ACSM3: variants seen among roughly 807,000 people sequenced by gnomAD.
ACSM3 encodes the protein acyl-coenzyme A synthetase ACSM3, mitochondrial.
Under a neutral mutation model 74.1 loss-of-function variants are expected in ACSM3, and 61 were observed. The ratio of observed to expected loss-of-function variants is 0.82; its 90% CI spans 0.67 to 1.02. The LOEUF (loss-of-function observed/expected upper bound fraction) is 1.02, where lower values mean the gene tolerates loss of function less well. ACSM3 is among the 50% of genes least tolerant of loss of function. The pLI, the probability that ACSM3 is intolerant of heterozygous loss-of-function variation, is 0.00. For synonymous variants in ACSM3, 213 were observed against 241.5 expected (o/e 0.88, Z 1.09); for missense variants, 660 against 697.0 (o/e 0.95, Z 0.60).
intron 1 of ACSM3, chr16:20,737,802 C>T (rs1195978659): frequency 1.2e-6 from 2 of 1,613,812 alleles, no homozygotes; most frequent in South Asian, 2.2e-5. Flanking sequence ...GAGCTTTAAA[C>T]CAGGGTTCCA....
chr16:20,781,697 C>T lies in ACSM3; in HGVS notation c.940-11C>T, dbSNP rs756970657. 1.4e-5 allele frequency: 23 copies of T among 1,606,394 alleles called. No individual in the cohort carries two copies. The highest frequency in any genetic ancestry group is 1.9e-5 in the Non-Finnish European group (22 of 1,173,240). On this transcript the variant is annotated splice_polypyrimidine_tract_variant and intron_variant, in intron 6 of 13. Transcript: ENST00000289416. ...TAGTAAGACCAAGAGTTTGCTTTTT[C>T]TAAATTGCAGACACTCTCCAAGTAC...
chr16:20,791,955 A>G (rs566619862), intron 10 of ACSM3, 47 bp from the exon 11 acceptor site: 2 of 1,593,504 alleles, frequency 1.3e-6, no homozygotes, highest in East Asian at 4.5e-5. Context: ...CCAATTGACC[A>G]GAAGAGTTGG....
At position 20,788,897 on chromosome 16, in the gene ACSM3, A is replaced by T. The variant is rs138571798; in HGVS notation, c.1225-1690A>T. ...TTTTTATTTGCAAGAGCTTAAAGAG[A>T]AGTTTTTACGCTTAGAATTCCTTTG... On this transcript the variant is annotated intron_variant, in intron 9 of 13. Coordinates refer to ENST00000289416, the MANE Select transcript of ACSM3 (RefSeq NM_005622.4). Among the ~76,000 whole-genome samples, 59 of 152,274 alleles carry T rather than the reference A, an allele frequency of 3.9e-4. No individual in the cohort carries two copies. In the East Asian group the frequency reaches 0.011, roughly 28 times the overall value.
At chr16:20,769,959 T>C in intron 1 of ACSM3, 25 bp from the exon 2 acceptor site, 6 of 1,467,184 alleles carry the variant, frequency 4.1e-6, no homozygotes, top group Non-Finnish European at 5.7e-6. Flanking sequence ...GAAACAAATA[T>C]ATGTCCTTTT....
At chr16:20,789,363 A>C in intron 9 of ACSM3, 1 of 774,974 alleles carries the variant, frequency 1.3e-6, no homozygotes, top group Non-Finnish European at 2.2e-6. Context: ...TTAAAGGTTT[A>C]GCATTAATTA....
At chr16:20,679,247 G>C (rs2079384388) in intron 1 of ACSM3, 1 of 152,230 alleles carries the variant, frequency 6.6e-6, no homozygotes, top group South Asian at 2.1e-4. Flanking sequence ...TAACCAACAA[G>C]ACCCTGATTG....
chr16:20,783,034 G>T (rs2080387832), intron 7 of ACSM3, among the ~76,000 whole-genome samples: 1 of 152,160 alleles, frequency 6.6e-6, no homozygotes, highest in African/African-American at 2.4e-5. Context: ...TCAATCTCCA[G>T]CTCCTCTCCT....
rs555596265 is a variant in ACSM3 at position 20,702,639 on chromosome 16, G to T, written c.-190+27817G>T. Among the ~76,000 whole-genome samples, 12 of 152,128 alleles carry T rather than the reference G, an allele frequency of 7.9e-5. No individual in the cohort carries two copies. In the East Asian group the frequency reaches 2.3e-3, roughly 29 times the overall value. On this transcript the variant is annotated intron_variant, in intron 1 of 3. Transcript: ENST00000561584. ...TGAGAACTATCTGTTCATATCCTTTGCCTATTTTATGATGGGGTTGTTTGT... is the reference window on the plus strand; with the variant it reads ...TGAGAACTATCTGTTCATATCCTTTTCCTATTTTATGATGGGGTTGTTTGT...
chr16:20,778,214 G>A (rs2080279253), intron 4 of ACSM3, among the ~76,000 whole-genome samples: 1 of 152,220 alleles, frequency 6.6e-6, no homozygotes, highest in African/African-American at 2.4e-5. Flanking sequence ...TTATAAAAGT[G>A]AATTTCACTG....
intron 2 of ACSM3, among the ~76,000 whole-genome samples, chr16:20,751,582 C>T (rs962892058): frequency 6.6e-6 from 1 of 152,168 alleles, no homozygotes; most frequent in Non-Finnish European, 1.5e-5. Context: ...AAACACTGCT[C>T]ATCATCCCCC....
At chr16:20,760,418 C>T (rs893037564), upstream of ACSM3, among the ~76,000 whole-genome samples, 3 of 152,110 alleles carry the variant, frequency 2.0e-5, no homozygotes, top group African/African-American at 7.2e-5. Context: ...TAAAGGCTTT[C>T]CTACTTTTAA....
At chr16:20,779,451 AAAAG>A (rs2080305519) in intron 4 of ACSM3, among the ~76,000 whole-genome samples, 1 of 151,650 alleles carries the variant, frequency 6.6e-6, no homozygotes, top group Non-Finnish European at 1.5e-5. Context: ...AAAAGAAAAG[AAAAG>A]AAAGAAAAGA....
upstream of ACSM3, chr16:20,674,417 A>G (rs1217365732): frequency 2.0e-5 from 4 of 198,702 alleles, no homozygotes; most frequent in Non-Finnish European, 3.2e-5. Flanking sequence ...CACTTCTGTA[A>G]TATGCTTCCC....
At chr16:20,770,531 A>T (rs1596511487) in intron 2 of ACSM3, among the ~76,000 whole-genome samples, 1 of 123,884 alleles carries the variant, frequency 8.1e-6, no homozygotes, top group Non-Finnish European at 1.8e-5. Flanking sequence ...AGGTTGACTT[A>T]AAAAAAAAAA....
intron 7 of ACSM3, among the ~76,000 whole-genome samples, chr16:20,783,793 A>G (rs1270429288): frequency 2.1e-5 from 3 of 145,540 alleles, no homozygotes; most frequent in African/African-American, 5.1e-5. Flanking sequence ...ACTGATACAC[A>G]TGTGTTCTCC....
At chr16:20,722,215 T>C (rs1270616076) in intron 1 of ACSM3, 2 of 152,356 alleles carry the variant, frequency 1.3e-5, no homozygotes, top group East Asian at 3.9e-4. Context: ...AATGTGCTGG[T>C]TAAGGTAACA....
At chr16:20,741,422 A>C in intron 1 of ACSM3, 1 of 1,430,492 alleles carries the variant, frequency 7.0e-7, no homozygotes, top group Non-Finnish European at 9.2e-7. Flanking sequence ...CGAGGCGCGC[A>C]TGCCCATACC....
intron 1 of ACSM3, among the ~76,000 whole-genome samples, chr16:20,694,393 T>C (rs1403628185): frequency 1.3e-5 from 2 of 152,230 alleles, no homozygotes; most frequent in Non-Finnish European, 2.9e-5. Context: ...ATTCAAGTCC[T>C]ATTTCTTTAC....
intron 1 of ACSM3, chr16:20,728,402 T>A (rs2079814198): frequency 6.9e-7 from 1 of 1,443,848 alleles, no homozygotes; most frequent in African/African-American, 1.4e-5. Context: ...TAGATGAAAA[T>A]GGCAATGTTC....
Sources: gnomAD v4.1 joint callset for allele counts (sites outside exome capture counted in the v4.1 genomes callset) on GRCh38, gnomAD v4.1.1 for gene constraint, MANE v1.5 for transcripts, NCBI Gene and HGNC (gene_info 2026-07-23, HGNC 2026-07-21) for gene names.